IGSF3: variants seen among roughly 807,000 people sequenced by gnomAD.
The protein encoded by IGSF3 is immunoglobulin superfamily member 3.
IGSF3 carries 23 observed loss-of-function variants against 114.4 expected under a neutral mutation model. The ratio of observed to expected loss-of-function variants is 0.20; its 90% CI spans 0.14 to 0.28. The LOEUF is 0.28. Ranked by LOEUF, IGSF3 falls within the 10% of genes least tolerant of loss-of-function variation. The probability of loss-of-function intolerance (pLI) is 1.00; values close to 1 mark genes in which losing one functional copy is unlikely to be tolerated. For synonymous variants in IGSF3, 571 were observed against 645.2 expected (o/e 0.88, Z 1.74); for missense variants, 1,172 against 1,591.5 (o/e 0.74, Z 4.48).
Position 116,624,203 on chromosome 1 carries a change from C to CA in IGSF3, c.44-7747dup, listed in dbSNP as rs58584252. On this transcript the variant is annotated intron_variant, in intron 2 of 10. Coordinates refer to ENST00000369486, the MANE Select transcript of IGSF3 (RefSeq NM_001007237.3). This position sits in a 1 kb window ranked among gnomAD's most constrained non-coding sequence, Gnocchi z 4.9. Reference sequence around the variant, plus strand: ...TGGGTGACAGAGCGAGATCTTGTCTCAAAAAAAAAAAAAAAATGGCTCTTG... The same window carrying CA: ...TGGGTGACAGAGCGAGATCTTGTCTCAAAAAAAAAAAAAAAAATGGCTCTTG... 0.018 allele frequency among the ~76,000 whole-genome samples: 2,180 copies of CA among 118,780 alleles called. 19 individuals carry two copies. Among genetic ancestry groups the CA allele is most frequent in the African/African-American group, 0.028 (903 of 32,822 alleles). The allele number at this position is 118,780 out of a possible 152,430, so 77.9% of individuals were successfully genotyped here. A position where few individuals can be genotyped will look rare whatever the true frequency, so the allele number is the denominator to read the frequency against.
chr1:116,638,756 T>C lies in IGSF3; in HGVS notation c.44-22299A>G, dbSNP rs1349623521. ...AACAGCAATAGGACCAGCTAACTCC[T>C]ACAGCAGAGTCTTGCCAGGCCCTCC... On this transcript the variant is annotated intron_variant, in intron 2 of 10. Transcript: ENST00000369486. This position sits in a 1 kb window ranked among gnomAD's most constrained non-coding sequence, Gnocchi z 4.1. 2.6e-5 allele frequency among the ~76,000 whole-genome samples: 4 copies of C among 152,176 alleles called. No individual in the cohort carries two copies. The highest frequency in any genetic ancestry group is 1.3e-4 in the Admixed American group (2 of 15,288).
chr1:116,610,459 CCAGT>C lies in IGSF3; in HGVS notation c.833-2132_833-2129del, dbSNP rs1472513248. Among the ~76,000 whole-genome samples, 1 of 152,158 alleles carries C rather than the reference CCAGT, an allele frequency of 6.6e-6. No homozygotes were observed. Among genetic ancestry groups the C allele is most frequent in the African/African-American group, 2.4e-5 (1 of 41,434 alleles). Reference sequence around the variant, plus strand: ...CCCCCGTTTCTGCCCTTGGTTATGCCCAGTCAATTACATCTCTAGAAACTGACCT... The same window carrying C: ...CCCCCGTTTCTGCCCTTGGTTATGCCCAATTACATCTCTAGAAACTGACCT... On this transcript the variant is annotated intron_variant, in intron 4 of 10. Coordinates refer to ENST00000369486, the MANE Select transcript of IGSF3 (RefSeq NM_001007237.3). This position sits in a 1 kb window ranked among gnomAD's most constrained non-coding sequence, Gnocchi z 4.3.
At position 116,593,084 on chromosome 1, in the gene IGSF3, C is replaced by T. The variant is rs1660189332; in HGVS notation, c.2030-3980G>A. 6.6e-6 allele frequency among the ~76,000 whole-genome samples: 1 copy of T among 152,178 alleles called. No individual in the cohort carries two copies. Among genetic ancestry groups the T allele is most frequent in the African/African-American group, 2.4e-5 (1 of 41,448 alleles). On this transcript the variant is annotated intron_variant, in intron 7 of 10. Coordinates refer to ENST00000369486, the MANE Select transcript of IGSF3 (RefSeq NM_001007237.3). This position sits in a 1 kb window ranked among gnomAD's most constrained non-coding sequence, Gnocchi z 4.5. ...TGAGGTTAGAAAGGTAAGCTTCGGC[C>T]ACACTGCAAGGGGCCTGCAGCTTGT...
chr1:116,579,816 G>C lies in IGSF3; in HGVS notation c.2910C>G (p.Phe970Leu). Residue 970 changes from phenylalanine to leucine, a missense_variant, in exon 10 of 11, where the codon TTC becomes TTG. This residue lies in a region of IGSF3 where 423 missense variants were observed against 509.8 expected (regional missense o/e 0.83). Transcript: ENST00000369486. This position sits in a 1 kb window ranked among gnomAD's most constrained non-coding sequence, Gnocchi z 6.4. ...GGGACACGATGCTACAGTCCAGCTGGAAAGCTGCCTTCTCAGAGACCGTGG... is the reference window on the plus strand; with the variant it reads ...GGGACACGATGCTACAGTCCAGCTGCAAAGCTGCCTTCTCAGAGACCGTGG... Reference protein sequence around the residue: ...PNATVSEKAAFQLDCSIVSRS... With the variant: ...PNATVSEKAALQLDCSIVSRS... 6.2e-7 allele frequency: 1 copy of C among 1,613,690 alleles called. No homozygotes were observed. The highest frequency in any genetic ancestry group is 1.1e-5 in the South Asian group (1 of 91,084).
Position 116,579,662 on chromosome 1 carries a change from C to A in IGSF3, c.3064G>T (p.Asp1022Tyr). 6.3e-7 allele frequency: 1 copy of A among 1,592,224 alleles called. No homozygotes were observed. Among genetic ancestry groups the A allele is most frequent in the Non-Finnish European group, 8.6e-7 (1 of 1,168,024 alleles). ...EREEEEEEDDDDDDDPTERTA... is the reference protein window; with the variant it reads ...EREEEEEEDDYDDDDPTERTA... Reference sequence around the variant, plus strand: ...CGCTCTGTTGGGTCGTCGTCGTCGTCGTCGTCCTCCTCCTCCTCCTCCTCC... The same window carrying A: ...CGCTCTGTTGGGTCGTCGTCGTCGTAGTCGTCCTCCTCCTCCTCCTCCTCC... The change falls in exon 10 of 11, where the codon GAC becomes TAC. Residue 1022 changes from aspartate (D) to tyrosine (Y), a missense_variant. Physicochemically the swap from Asp to Tyr is radical, Grantham distance 160 (BLOSUM62 -3). This residue lies in a region of IGSF3 where 423 missense variants were observed against 509.8 expected (regional missense o/e 0.83). Transcript: ENST00000369486. This position sits in a 1 kb window ranked among gnomAD's most constrained non-coding sequence, Gnocchi z 6.4.
At chr1:116,640,298 T>C (rs1159021360) in intron 2 of IGSF3, among the ~76,000 whole-genome samples, 2 of 152,172 alleles carry the variant, frequency 1.3e-5, no homozygotes, top group Admixed American at 1.3e-4. Flanking sequence ...TCTTAACATT[T>C]TGCCACACCT....
chr1:116,663,768 T>C (rs1649214963), intron 2 of IGSF3, among the ~76,000 whole-genome samples: 1 of 152,110 alleles, frequency 6.6e-6, no homozygotes, highest in African/African-American at 2.4e-5. Flanking sequence ...CCTCACATAC[T>C]GTCCAGGGTT....
Position 116,666,931 on chromosome 1 carries a change from A to G in IGSF3, c.-605T>C. 2.5e-6 allele frequency: 1 copy of G among 403,386 alleles called. No homozygotes were observed. Among genetic ancestry groups the G allele is most frequent in the Non-Finnish European group, 4.4e-6 (1 of 229,044 alleles). The allele number at this position is 403,386 out of a possible 1,614,324, so 25.0% of individuals were successfully genotyped here. A position where few individuals can be genotyped will look rare whatever the true frequency, so the allele number is the denominator to read the frequency against. ...GCAAGTTGGCGTTCGGCAGCCCTGAAGCGGTACCCCAGCGCGAGCAGATTT... is the reference window on the plus strand; with the variant it reads ...GCAAGTTGGCGTTCGGCAGCCCTGAGGCGGTACCCCAGCGCGAGCAGATTT... On this transcript the variant is annotated 5_prime_UTR_variant, in exon 2 of 11. Transcript: ENST00000369486.
In IGSF3 at chr1:116,593,562, C is replaced by CA. The variant is rs1660212614; in HGVS notation, c.2030-4459dup. ...GCCAGTGGCACAGGCGCCTGCCAGT[C>CA]AAACTGTTACTACCCCTGAGTCCCT... On this transcript the variant is annotated intron_variant, in intron 7 of 10. Transcript: ENST00000369486. This position sits in a 1 kb window ranked among gnomAD's most constrained non-coding sequence, Gnocchi z 4.5. 6.6e-6 allele frequency among the ~76,000 whole-genome samples: 1 copy of CA among 152,206 alleles called. No individual in the cohort carries two copies. Among genetic ancestry groups the CA allele is most frequent in the Non-Finnish European group, 1.5e-5 (1 of 68,030 alleles).
At position 116,613,967 on chromosome 1, in the gene IGSF3, A is replaced by G. The variant is rs1156987669; in HGVS notation, c.630T>C (p.Tyr210=). ...CCTCCCCCAGGCTCTGCCTCTGGGC[A>G]TATTCGCTGCTGGAGTGAAGCATGA... ...RDFMLHSSSE[Y]AQRQSLGEVR... is the part of the protein sequence containing the mutation. The change falls in exon 4 of 11, where the codon TAT becomes TAC. Residue 210 remains tyrosine, a synonymous_variant. Transcript: ENST00000369486. 1 of 1,613,840 alleles carries G rather than the reference A, an allele frequency of 6.2e-7. No individual in the cohort carries two copies. The highest frequency in any genetic ancestry group is 1.7e-5 in the Admixed American group (1 of 60,000).
rs961594997 is a variant in IGSF3 at position 116,665,634 on chromosome 1, T to C, written c.43+650A>G. On this transcript the variant is annotated intron_variant, in intron 2 of 10. Transcript: ENST00000369486. This position sits in a 1 kb window ranked among gnomAD's most constrained non-coding sequence, Gnocchi z 4.0. ...TTCTTCCCACTCTAGGCATTCTGATTTGTGGGAGCACAAAAGCCAATCCTA... is the reference window on the plus strand; with the variant it reads ...TTCTTCCCACTCTAGGCATTCTGATCTGTGGGAGCACAAAAGCCAATCCTA... Among the ~76,000 whole-genome samples the C allele has an allele frequency of 6.6e-6, 1 of 152,164 alleles. No homozygotes were observed. The highest frequency in any genetic ancestry group is 6.5e-5 in the Admixed American group (1 of 15,282).
Position 116,664,765 on chromosome 1 carries a change from A to C in IGSF3, c.43+1519T>G, listed in dbSNP as rs891841796. Among the ~76,000 whole-genome samples, 1 of 152,232 alleles carries C rather than the reference A, an allele frequency of 6.6e-6. No homozygotes were observed. Among genetic ancestry groups the C allele is most frequent in the African/African-American group, 2.4e-5 (1 of 41,466 alleles). ...ATCCCAGCCCACAGCTGAACAGAAG[A>C]CTAACTAAACTACCAGCAGGGTGTC... On this transcript the variant is annotated intron_variant, in intron 2 of 10. Coordinates refer to ENST00000369486, the MANE Select transcript of IGSF3 (RefSeq NM_001007237.3). This position sits in a 1 kb window ranked among gnomAD's most constrained non-coding sequence, Gnocchi z 4.6.
chr1:116,645,702 G>A (rs1648336694), intron 2 of IGSF3, among the ~76,000 whole-genome samples: 1 of 152,184 alleles, frequency 6.6e-6, no homozygotes, highest in Non-Finnish European at 1.5e-5. Flanking sequence ...AAATGTGAGT[G>A]AACACACAGA....
At chr1:116,622,239 A>G (rs1265447963) in intron 2 of IGSF3, among the ~76,000 whole-genome samples, 5 of 152,208 alleles carry the variant, frequency 3.3e-5, no homozygotes, top group African/African-American at 1.2e-4. Context: ...TTCTTCATCT[A>G]TAAGATGAAA....
Position 116,644,362 on chromosome 1 carries a change from C to T in IGSF3, c.43+21922G>A, listed in dbSNP as rs749624601. 9.2e-5 allele frequency among the ~76,000 whole-genome samples: 14 copies of T among 152,198 alleles called. No individual in the cohort carries two copies. Among genetic ancestry groups the T allele is most frequent in the Non-Finnish European group, 1.6e-4 (11 of 68,040 alleles). ...AGCAGCAAGCTCCAGACGGGAGATG[C>T]GCCATATAACAGCAGCAGTTCCACA... On this transcript the variant is annotated intron_variant, in intron 2 of 10. Transcript: ENST00000369486. The surrounding 1 kb of genome is among the most constrained non-coding windows in gnomAD (Gnocchi z 5.6).
At chr1:116,611,207 C>T (rs1391191912) in intron 4 of IGSF3, among the ~76,000 whole-genome samples, 1 of 152,140 alleles carries the variant, frequency 6.6e-6, no homozygotes, top group Non-Finnish European at 1.5e-5. Flanking sequence ...TGTGTTACTC[C>T]CTGCTTAAAA....
rs1486966036 is a variant in IGSF3, at chr1:116,664,059, C to T, written c.43+2225G>A. On this transcript the variant is annotated intron_variant, in intron 2 of 10. Transcript: ENST00000369486. This position sits in a 1 kb window ranked among gnomAD's most constrained non-coding sequence, Gnocchi z 4.6. Reference sequence around the variant, plus strand: ...CCCTCCCCAAACGCCTTCTACCTCTCCCAGATTAGTAAAGTAGTAGCCAGG... The same window carrying T: ...CCCTCCCCAAACGCCTTCTACCTCTTCCAGATTAGTAAAGTAGTAGCCAGG... 6.6e-6 allele frequency among the ~76,000 whole-genome samples: 1 copy of T among 152,312 alleles called. No individual in the cohort carries two copies. Among genetic ancestry groups the T allele is most frequent in the South Asian group, 2.1e-4 (1 of 4,830 alleles).
At chr1:116,663,844 C>G (rs907712350) in intron 2 of IGSF3, among the ~76,000 whole-genome samples, 1 of 152,134 alleles carries the variant, frequency 6.6e-6, no homozygotes, top group African/African-American at 2.4e-5. Context: ...GAGCACTTAG[C>G]CTTATCCAAC....
At chr1:116,602,155 G>A (rs911335507) in intron 6 of IGSF3, among the ~76,000 whole-genome samples, 1 of 152,208 alleles carries the variant, frequency 6.6e-6, no homozygotes, top group African/African-American at 2.4e-5. Context: ...CTAGCCAGAG[G>A]TATCTCAGTG....
Sources: allele counts gnomAD v4.1 joint callset (sites outside exome capture counted in the v4.1 genomes callset), GRCh38; gene constraint gnomAD v4.1.1; regional missense constraint gnomAD v4.1.1; non-coding constraint Gnocchi (gnomAD v3.1); transcripts MANE v1.5; gene names NCBI Gene and HGNC (gene_info 2026-07-23, HGNC 2026-07-21).